The following PCDH15 variants were observed in gnomAD, a reference collection of about 807,000 sequenced individuals.
PCDH15 encodes the protein protocadherin-15.
PCDH15 carries 129 observed loss-of-function variants against 178.5 expected under a neutral mutation model. That is an observed-to-expected ratio of 0.72 (90% CI 0.63 to 0.84). The LOEUF is 0.84. Ranked by LOEUF, PCDH15 falls within the 40% of genes least tolerant of loss-of-function variation. The pLI is 0.00. For synonymous variants in PCDH15, 800 were observed against 732.0 expected (o/e 1.09, Z -1.50); for missense variants, 2,230 against 2,099.9 (o/e 1.06, Z -1.21).
At chr10:54,161,327 T>G (rs2045690506) in intron 13 of PCDH15, among the ~76,000 whole-genome samples, 1 of 152,166 alleles carries the variant, frequency 6.6e-6, no homozygotes, top group Non-Finnish European at 1.5e-5. Flanking sequence ...GGACTCCATA[T>G]TTTTTAATTC....
At chr10:55,221,668 G>A (rs1033513742) in intron 1 of PCDH15, among the ~76,000 whole-genome samples, 6 of 152,002 alleles carry the variant, frequency 3.9e-5, no homozygotes, top group Admixed American at 2.6e-4. Context: ...CCAGTGTGAT[G>A]TTTAACTGAA....
At chr10:54,908,179 T>G (rs968689566) in intron 2 of PCDH15, among the ~76,000 whole-genome samples, 7 of 152,154 alleles carry the variant, frequency 4.6e-5, no homozygotes, top group Non-Finnish European at 8.8e-5. Context: ...CATGCTTGGA[T>G]CCCATGCCTG....
At chr10:53,928,362 A>T (rs1194970615) in intron 25 of PCDH15, among the ~76,000 whole-genome samples, 1 of 152,056 alleles carries the variant, frequency 6.6e-6, no homozygotes, top group African/African-American at 2.4e-5. Flanking sequence ...TCCATAAGTG[A>T]TAAAAATAAA....
chr10:55,132,006 A>G (rs114811185), intron 2 of PCDH15, among the ~76,000 whole-genome samples: 1,625 of 152,218 alleles, frequency 0.011, 32 homozygotes, highest in African/African-American at 0.037. Context: ...CAGCACCCAC[A>G]GTCCCCAAGC....
intron 1 of PCDH15, among the ~76,000 whole-genome samples, chr10:54,672,012 G>C (rs1365012128): frequency 6.6e-6 from 1 of 152,042 alleles, no homozygotes; most frequent in Admixed American, 6.6e-5. Flanking sequence ...AGCAGCATTG[G>C]ATTCTCATAG....
rs577502166 is a variant in PCDH15, at chr10:55,523,620, C to T, written c.-156+104005G>A. On this transcript the variant is annotated intron_variant, in intron 2 of 5. Coordinates refer to the PCDH15 transcript ENST00000613346. ...TTCTGTCTATCTGAAACTTTGTACT[C>T]TTTGATGAACAACTTGTTTCCTTTT... Among the ~76,000 whole-genome samples the T allele has an allele frequency of 5.4e-4, 82 of 151,710 alleles. 2 individuals carry two copies. Among genetic ancestry groups the T allele is most frequent in the Admixed American group, 2.3e-3 (35 of 15,182 alleles).
intron 3 of PCDH15, among the ~76,000 whole-genome samples, chr10:54,885,010 T>A (rs1254008875): frequency 6.6e-6 from 1 of 152,132 alleles, no homozygotes; most frequent in African/African-American, 2.4e-5. Flanking sequence ...ACATATAACA[T>A]TCATTTGTTA....
intron 26 of PCDH15, among the ~76,000 whole-genome samples, chr10:53,869,293 AT>A (rs575155866): frequency 6.6e-6 from 1 of 152,176 alleles, no homozygotes; most frequent in Non-Finnish European, 1.5e-5. Flanking sequence ...CAGTATCAAA[AT>A]TTTTTGTACT....
chr10:54,100,828 G>C (rs1443101375), intron 15 of PCDH15, among the ~76,000 whole-genome samples: 2 of 149,990 alleles, frequency 1.3e-5, no homozygotes, highest in Non-Finnish European at 2.9e-5. Flanking sequence ...CACTTAAGGT[G>C]GGGGGGGATT....
intron 3 of PCDH15, among the ~76,000 whole-genome samples, chr10:54,417,685 C>A (rs1277674182): frequency 6.6e-6 from 1 of 152,098 alleles, no homozygotes; most frequent in Non-Finnish European, 1.5e-5. Context: ...AATATTATCA[C>A]AAATATTAAC....
Position 54,023,337 on chromosome 10 carries a change from T to C in PCDH15, c.2221-140A>G, listed in dbSNP as rs1057363116. 11 of 703,826 alleles carry C rather than the reference T, an allele frequency of 1.6e-5. No individual in the cohort carries two copies. The African/African-American group carries it at 1.8e-4, about 12-fold the overall frequency. 43.6% of individuals were successfully genotyped at this position (703,826 alleles called of 1,614,324 possible). ...TCTAAGGAGGAAATGACAATGACAA[T>C]ACAATGCAAAATTTAAAACATGAAA... On this transcript the variant is annotated intron_variant, in intron 18 of 37. Coordinates refer to ENST00000644397, the MANE Select transcript of PCDH15 (RefSeq NM_001384140.1).
intron 2 of PCDH15, among the ~76,000 whole-genome samples, chr10:55,049,296 T>C (rs756089384): frequency 6.6e-6 from 1 of 151,938 alleles, no homozygotes; most frequent in African/African-American, 2.4e-5. Context: ...TGTATGTCAC[T>C]TTCTTGAACA....
chr10:55,608,640 T>C (rs1035843961), intron 2 of PCDH15, among the ~76,000 whole-genome samples: 7 of 151,898 alleles, frequency 4.6e-5, no homozygotes, highest in African/African-American at 1.2e-4. Flanking sequence ...ACAATGACTA[T>C]TGCCAAGGAA....
chr10:54,325,374 T>C (rs975439485), intron 7 of PCDH15, among the ~76,000 whole-genome samples: 27 of 152,156 alleles, frequency 1.8e-4, no homozygotes, highest in African/African-American at 6.3e-4. Context: ...ATTGCTCATA[T>C]CTTAATTCTC....
chr10:54,045,006 T>C (rs754423160), intron 18 of PCDH15, among the ~76,000 whole-genome samples: 9 of 152,144 alleles, frequency 5.9e-5, no homozygotes, highest in Non-Finnish European at 1.3e-4. Flanking sequence ...ACTGGATCTG[T>C]TGGCACTAAT....
At chr10:54,330,328 T>C (rs936064087) in intron 6 of PCDH15, among the ~76,000 whole-genome samples, 1 of 151,892 alleles carries the variant, frequency 6.6e-6, no homozygotes, top group African/African-American at 2.4e-5. Flanking sequence ...ATATAGCCTA[T>C]GGCTCCTAGG....
At chr10:54,113,895 AGAG>A (rs2095068568) in intron 15 of PCDH15, among the ~76,000 whole-genome samples, 1 of 152,160 alleles carries the variant, frequency 6.6e-6, no homozygotes, top group Non-Finnish European at 1.5e-5. Context: ...GGTGGAAGGC[AGAG>A]GAGGAGAAAG....
At chr10:54,008,576 T>A (rs2092461657) in intron 20 of PCDH15, among the ~76,000 whole-genome samples, 1 of 152,132 alleles carries the variant, frequency 6.6e-6, no homozygotes, top group South Asian at 2.1e-4. Flanking sequence ...CCAAATTGAA[T>A]CCAGAGCTGC....
At chr10:55,575,156 A>C (rs1053486634) in intron 2 of PCDH15, among the ~76,000 whole-genome samples, 24 of 152,176 alleles carry the variant, frequency 1.6e-4, no homozygotes, top group Admixed American at 1.3e-3. Context: ...CAGTTTAGTA[A>C]TATTGATTTC....
Sources: allele counts gnomAD v4.1 joint callset (sites outside exome capture counted in the v4.1 genomes callset), GRCh38; gene constraint gnomAD v4.1.1; transcripts MANE v1.5; gene names NCBI Gene and HGNC (gene_info 2026-07-23, HGNC 2026-07-21).